CNOT6L: variants seen among roughly 807,000 people sequenced by gnomAD.
CNOT6L encodes the protein CCR4-NOT transcription complex subunit 6-like.
Under a neutral mutation model 64.0 loss-of-function variants are expected in CNOT6L, and 7 were observed. The observed-to-expected ratio is 0.11, with a 90% CI of 0.06 to 0.21. CNOT6L has a LOEUF of 0.21. Ranked by LOEUF, CNOT6L falls within the 10% of genes least tolerant of loss-of-function variation. CNOT6L has a pLI of 1.00. For missense variants in CNOT6L, 245 were observed against 669.0 expected (o/e 0.37, Z 6.99); for synonymous variants, 193 against 243.4 (o/e 0.79, Z 1.93).
Position 77,719,314 on chromosome 4 carries a change from T to C in CNOT6L, c.*1117A>G, listed in dbSNP as rs914147269. ...AAGATTAAAAGCATATGATGGCCAT[T>C]TGGCAGCTAGAGTCAGGAAAATGAC... is the stretch of plus-strand genomic sequence containing the variant. On this transcript the variant is annotated 3_prime_UTR_variant, in exon 12 of 12. Coordinates refer to ENST00000504123, the MANE Select transcript of CNOT6L (RefSeq NM_144571.3). The C allele has an allele frequency of 1.3e-5, 2 of 152,356 alleles. No homozygotes were observed. The highest frequency in any genetic ancestry group is 2.4e-5 in the African/African-American group (1 of 41,204). 9.4% of individuals were successfully genotyped at this position (152,356 alleles called of 1,614,324 possible). A position where few individuals can be genotyped will look rare whatever the true frequency, so the allele number is the denominator to read the frequency against.
chr4:77,727,147 C>G (rs1461452534), intron 10 of CNOT6L, among the ~76,000 whole-genome samples: 2 of 152,102 alleles, frequency 1.3e-5, no homozygotes, highest in African/African-American at 4.8e-5. Flanking sequence ...TTGTAAATAG[C>G]TCAGAAGGCA....
chr4:77,767,592 A>G (rs1726988529), intron 4 of CNOT6L, among the ~76,000 whole-genome samples: 1 of 152,210 alleles, frequency 6.6e-6, no homozygotes, highest in South Asian at 2.1e-4. Flanking sequence ...AGGAAAAACT[A>G]TTCACTAATG....
intron 4 of CNOT6L, among the ~76,000 whole-genome samples, chr4:77,767,840 A>C (rs1264348248): frequency 6.6e-6 from 1 of 151,812 alleles, no homozygotes; most frequent in South Asian, 2.1e-4. Flanking sequence ...CTAGCTGGGC[A>C]TGGTGGCGGG....
intron 11 of CNOT6L, among the ~76,000 whole-genome samples, chr4:77,722,170 C>T (rs1486252578): frequency 2.0e-5 from 3 of 152,216 alleles, no homozygotes; most frequent in African/African-American, 4.8e-5. Context: ...ACAAGGATCA[C>T]GGTAGTTTTA....
intron 1 of CNOT6L, chr4:77,819,074 A>ACACACACC (rs368900394): frequency 1.4e-5 from 10 of 720,458 alleles, no homozygotes; most frequent in Middle Eastern, 3.5e-4. Flanking sequence ...ACACACACAC[A>ACACACACC]CCCCGGAACC....
intron 4 of CNOT6L, among the ~76,000 whole-genome samples, chr4:77,763,094 A>C (rs1193606657): frequency 6.6e-6 from 1 of 152,118 alleles, no homozygotes; most frequent in Non-Finnish European, 1.5e-5. Context: ...TATGGGAAAA[A>C]CCTACTTTTA....
At chr4:77,727,491 G>A (rs191473487) in intron 10 of CNOT6L, among the ~76,000 whole-genome samples, 11 of 141,164 alleles carry the variant, frequency 7.8e-5, no homozygotes, top group Non-Finnish European at 1.1e-4. Flanking sequence ...GCTTGAACCC[G>A]GGAGGCAGAG....
At chr4:77,752,851 G>T (rs958145491) in intron 5 of CNOT6L, among the ~76,000 whole-genome samples, 3 of 151,648 alleles carry the variant, frequency 2.0e-5, no homozygotes, top group South Asian at 2.1e-4. Flanking sequence ...AAGAAATAAA[G>T]AAATTAATAA....
At chr4:77,786,446 T>C (rs1423313437) in intron 1 of CNOT6L, among the ~76,000 whole-genome samples, 2 of 152,106 alleles carry the variant, frequency 1.3e-5, no homozygotes, top group Non-Finnish European at 2.9e-5. Context: ...AGACCCTGTC[T>C]GTATTGCTAA....
At chr4:77,761,581 C>T (rs1238097234) in intron 4 of CNOT6L, among the ~76,000 whole-genome samples, 7 of 152,138 alleles carry the variant, frequency 4.6e-5, no homozygotes. Context: ...ATTCAACTTG[C>T]ATTAATGACA....
chr4:77,726,098 T>C, intron 11 of CNOT6L, 69 bp downstream of exon 11: 8 of 1,347,964 alleles, frequency 5.9e-6, no homozygotes, highest in Non-Finnish European at 7.4e-6. Flanking sequence ...TCATAAAGAA[T>C]TTACACCTTT....
At chr4:77,768,474 AATATATATATAT>A (rs1193284066) in intron 4 of CNOT6L, among the ~76,000 whole-genome samples, 14 of 13,114 alleles carry the variant, frequency 1.1e-3, no homozygotes, top group East Asian at 2.7e-3. Context: ...AAAATAAATA[AATATATATATAT>A]ATATATATAT....
chr4:77,737,406 C>CTTTTTTTTTTTTT (rs56952956), intron 8 of CNOT6L, among the ~76,000 whole-genome samples: 2 of 82,382 alleles, frequency 2.4e-5, no homozygotes, highest in African/African-American at 4.7e-5. Context: ...TTGTACCGTT[C>CTTTTTTTTTTTTT]TTTTTTTTTT....
upstream of CNOT6L, chr4:77,819,463 C>T: frequency 2.7e-6 from 4 of 1,489,358 alleles, no homozygotes; most frequent in Non-Finnish European, 3.6e-6. Context: ...ACACCCACGG[C>T]GGGCCTCGCT....
rs765463861 is a variant in CNOT6L, at chr4:77,776,310, T to C, written c.88A>G (p.Asn30Asp). 3 of 1,611,822 alleles carry C rather than the reference T, an allele frequency of 1.9e-6. No individual in the cohort carries two copies. The highest frequency in any genetic ancestry group is 1.7e-6 in the Non-Finnish European group (2 of 1,179,510). The change falls in exon 2 of 12, where the codon AAT (asparagine) becomes GAT (aspartate). Residue 30 changes from asparagine to aspartate, a missense_variant. Asn to Asp is a conservative substitution (Grantham distance 23). Transcript: ENST00000504123. ...YTIMSAEEVA[N>D]GKKSHWAELE... ...TCTGCCCAGTGAGATTTTTTCCCAT[T>C]GGCTACCTCCTCTGCTGACATGATG...
At chr4:77,740,088 C>A (rs566193562) in intron 8 of CNOT6L, among the ~76,000 whole-genome samples, 1 of 151,788 alleles carries the variant, frequency 6.6e-6, no homozygotes, top group Admixed American at 6.6e-5. Flanking sequence ...TAACAAATAT[C>A]GTCAGGCACG....
At chr4:77,767,801 A>G (rs1727017649) in intron 4 of CNOT6L, among the ~76,000 whole-genome samples, 1 of 151,918 alleles carries the variant, frequency 6.6e-6, no homozygotes, top group African/African-American at 2.4e-5. Context: ...CAAGATGGTG[A>G]AAACCCGTCT....
intron 1 of CNOT6L, among the ~76,000 whole-genome samples, chr4:77,800,612 C>A (rs1272071313): frequency 6.6e-6 from 1 of 151,946 alleles, no homozygotes. Context: ...TGAACTGAAC[C>A]AAATTATACA....
intron 1 of CNOT6L, among the ~76,000 whole-genome samples, chr4:77,802,263 T>A (rs1731671261): frequency 6.6e-6 from 1 of 152,186 alleles, no homozygotes; most frequent in Non-Finnish European, 1.5e-5. Flanking sequence ...TGATTCTCTA[T>A]CCTCTTACCA....
Sources: allele counts gnomAD v4.1 joint callset (sites outside exome capture counted in the v4.1 genomes callset), GRCh38; gene constraint gnomAD v4.1.1; transcripts MANE v1.5; gene names NCBI Gene and HGNC (gene_info 2026-07-23, HGNC 2026-07-21).